The following FCHO1 variants were observed in gnomAD, a reference collection of about 807,000 sequenced individuals.
The protein encoded by FCHO1 is F-BAR domain only protein 1.
FCHO1 carries 45 observed loss-of-function variants against 114.4 expected under a neutral mutation model. The observed-to-expected ratio is 0.39, with a 90% CI of 0.31 to 0.50. The LOEUF (loss-of-function observed/expected upper bound fraction) is 0.50, where lower values mean the gene tolerates loss of function less well. Among genes scored for constraint, FCHO1 ranks in the 20% least tolerant of loss-of-function variants. FCHO1 has a pLI of 0.77. For missense variants in FCHO1, 1,042 were observed against 1,209.6 expected, an observed-to-expected ratio of 0.86 and a Z score of 2.06; for synonymous variants, 480 against 488.9, an observed-to-expected ratio of 0.98 and a Z score of 0.24.
intron 8 of FCHO1, 61 bp from the exon 9 acceptor site, chr19:17,770,731 G>A (rs2091258524): frequency 2.5e-6 from 4 of 1,596,620 alleles, no homozygotes; most frequent in South Asian, 2.2e-5. Flanking sequence ...AGGTGATGGG[G>A]CCTGGGGGAG....
At position 17,778,768 on chromosome 19, in the gene FCHO1, G is replaced by T. The variant is rs1444045438; in HGVS notation, c.1511G>T (p.Ser504Ile). Residue 504 changes from serine to isoleucine, a missense_variant, in exon 20 of 29, where the codon AGC becomes ATC. Coordinates refer to ENST00000596536, the MANE Select transcript of FCHO1 (RefSeq NM_015122.3). ...CCAGGCACCCCGCAGAGCCCGCCCA[G>T]CTGTAGGGCGCCACCCCCAGAGGCC... Reference protein sequence around the residue: ...PRPGTPQSPPSCRAPPPEARG... With the variant: ...PRPGTPQSPPICRAPPPEARG... 6.5e-7 allele frequency: 1 copy of T among 1,538,686 alleles called. No homozygotes were observed. Among genetic ancestry groups the T allele is most frequent in the Non-Finnish European group, 8.7e-7 (1 of 1,147,682 alleles).
At chr19:17,750,826 TC>T (rs201109939), upstream of FCHO1, among the ~76,000 whole-genome samples, 286 of 147,628 alleles carry the variant, frequency 1.9e-3, 12 homozygotes, top group African/African-American at 6.0e-3. Context: ...CCCTTTCTTT[TC>T]TTTTTTTTTT....
intron 4 of FCHO1, among the ~76,000 whole-genome samples, chr19:17,762,444 C>T (rs1336139963): frequency 6.6e-6 from 1 of 151,968 alleles, no homozygotes; most frequent in Non-Finnish European, 1.5e-5. Context: ...GAGACAGAAA[C>T]GGCAGAGAGA....
intron 20 of FCHO1, among the ~76,000 whole-genome samples, chr19:17,779,159 T>G (rs2093044484): frequency 6.6e-6 from 1 of 152,108 alleles, no homozygotes; most frequent in South Asian, 2.1e-4. Flanking sequence ...AAAGGCGTGC[T>G]GGGCAGAGGG....
intron 20 of FCHO1, among the ~76,000 whole-genome samples, chr19:17,779,285 G>A (rs1331049378): frequency 6.6e-6 from 1 of 152,104 alleles, no homozygotes; most frequent in East Asian, 1.9e-4. Flanking sequence ...AGAAGGCAGG[G>A]ACCAGGAAGG....
intron 6 of FCHO1, among the ~76,000 whole-genome samples, chr19:17,764,773 G>T (rs1353295225): frequency 6.6e-6 from 1 of 152,066 alleles, no homozygotes; most frequent in African/African-American, 2.4e-5. Flanking sequence ...GGTGAAAAGT[G>T]CTGGGAAGGG....
Position 17,781,314 on chromosome 19 carries a change from TG to T in FCHO1, c.1712del (p.Cys571SerfsTer14). 1 of 1,614,024 alleles carries T rather than the reference TG, an allele frequency of 6.2e-7. No homozygotes were observed. The highest frequency in any genetic ancestry group is 8.5e-7 in the Non-Finnish European group (1 of 1,179,942). ...PRRLRSRKVS[C>X]PLTRSNGDLS... is the part of the protein sequence containing the mutation. The stretch of plus-strand genomic sequence containing the variant: ...GAGACTTCGCTCTAGGAAGGTGTCC[TG>T]CCCTCTCACACGTAGCAATGGGGAC... On this transcript the variant is annotated frameshift_variant, in exon 21 of 29. Transcript: ENST00000596536. LOFTEE classifies it high-confidence loss of function.
chr19:17,756,687 G>A (rs1305274280), intron 4 of FCHO1, among the ~76,000 whole-genome samples: 5 of 152,192 alleles, frequency 3.3e-5, no homozygotes, highest in Non-Finnish European at 5.9e-5. Context: ...CCCAGACTCA[G>A]GGAGGCCTCC....
At chr19:17,782,039 G>A (rs2093472246) in intron 23 of FCHO1, among the ~76,000 whole-genome samples, 1 of 139,846 alleles carries the variant, frequency 7.2e-6, no homozygotes, top group Non-Finnish European at 1.5e-5. Flanking sequence ...CGCTCTTGCT[G>A]CCCAGGCTGG....
Position 17,786,569 on chromosome 19 carries a change from G to C in FCHO1, c.2427-5G>C. ...AAGCCCTGATTAAGATTCTTTCTCT[G>C]CCAGGAACCTGGAGGAGAAGCGGCT... On this transcript the variant is annotated splice_region_variant and splice_polypyrimidine_tract_variant and intron_variant, in intron 26 of 28. Coordinates refer to ENST00000596536, the MANE Select transcript of FCHO1 (RefSeq NM_015122.3). 1 of 1,482,204 alleles carries C rather than the reference G, an allele frequency of 6.7e-7. No individual in the cohort carries two copies. Among genetic ancestry groups the C allele is most frequent in the Non-Finnish European group, 9.1e-7 (1 of 1,097,650 alleles). The allele number at this position is 1,482,204 out of a possible 1,614,324, so 91.8% of individuals were successfully genotyped here. A position where few individuals can be genotyped will look rare whatever the true frequency, so the allele number is the denominator to read the frequency against.
rs1296883983 is a variant in FCHO1 at position 17,762,747 on chromosome 19, T to A, written c.28-15T>A. The A allele has an allele frequency of 1.9e-6, 3 of 1,589,404 alleles. No individual in the cohort carries two copies. Among genetic ancestry groups the A allele is most frequent in the Non-Finnish European group, 2.6e-6 (3 of 1,157,372 alleles). ...CTCTCCATCCTTTCTCAATCTCTATTCCCATCCCCTGCAGGGCGAGAAAAA... is the reference window on the plus strand; with the variant it reads ...CTCTCCATCCTTTCTCAATCTCTATACCCATCCCCTGCAGGGCGAGAAAAA... On this transcript the variant is annotated splice_polypyrimidine_tract_variant and intron_variant, in intron 4 of 28. Transcript: ENST00000596536.
In FCHO1 at chr19:17,773,905, T is replaced by TC. The variant is rs1568351431; in HGVS notation, c.791-334_791-333insC. Among the ~76,000 whole-genome samples the TC allele has an allele frequency of 1.9e-4, 5 of 26,528 alleles. No homozygotes were observed. The East Asian group carries it at 0.016, about 84-fold the overall frequency. The allele number at this position is 26,528 out of a possible 152,430, so 17.4% of individuals were successfully genotyped here. On this transcript the variant is annotated intron_variant, in intron 11 of 28. Transcript: ENST00000596536. The stretch of plus-strand genomic sequence containing the variant: ...AGTTTCTTTCTCTCTCTCTCTCTCT[T>TC]TTTTTTTTTTTTTTAATTTTTTTGA...
intron 4 of FCHO1, among the ~76,000 whole-genome samples, chr19:17,761,749 C>G (rs1205369127): frequency 2.6e-5 from 4 of 151,718 alleles, no homozygotes; most frequent in African/African-American, 9.7e-5. Flanking sequence ...CAACCTCTGC[C>G]TCCCACGTTC....
At chr19:17,751,055 T>G (rs2081835511), upstream of FCHO1, among the ~76,000 whole-genome samples, 1 of 152,098 alleles carries the variant, frequency 6.6e-6, no homozygotes, top group Admixed American at 6.6e-5. The surrounding 1 kb of genome is among the most constrained non-coding windows in gnomAD (Gnocchi z 4.4). Flanking sequence ...TTGGCCAGGA[T>G]AGTGTCAACC....
intron 6 of FCHO1, chr19:17,766,439 C>G (rs2089202915): frequency 4.2e-6 from 2 of 474,590 alleles, no homozygotes; most frequent in Admixed American, 7.1e-5. Context: ...AATTCCAGCT[C>G]TAATGTTGAT....
intron 20 of FCHO1, among the ~76,000 whole-genome samples, chr19:17,780,632 C>A (rs1033648279): frequency 1.3e-5 from 2 of 152,006 alleles, no homozygotes; most frequent in Non-Finnish European, 2.9e-5. Flanking sequence ...GGGCAGCCCC[C>A]GCCCCCGAGA....
intron 26 of FCHO1, 89 bp downstream of exon 26, chr19:17,785,013 C>T (rs924562288): frequency 2.4e-5 from 33 of 1,349,626 alleles, no homozygotes; most frequent in Middle Eastern, 2.5e-4. Flanking sequence ...AAGGGTGCAC[C>T]CTCGGCCTGA....
At chr19:17,788,179 T>A (rs1236422419) in intron 28 of FCHO1, 105 bp from the exon 29 acceptor site, 1 of 840,434 alleles carries the variant, frequency 1.2e-6, no homozygotes, top group African/African-American at 1.7e-5. Flanking sequence ...TACAGGGGTG[T>A]TTTGAAGAGG....
In FCHO1 at chr19:17,754,341, GGACAGTGACTCA is replaced by G. The variant is rs1285657441; in HGVS notation, c.-153_-142del. 1 of 152,566 alleles carries G rather than the reference GGACAGTGACTCA, an allele frequency of 6.6e-6. No homozygotes were observed. The highest frequency in any genetic ancestry group is 6.5e-5 in the Admixed American group (1 of 15,296). The allele number at this position is 152,566 out of a possible 1,614,324, so 9.5% of individuals were successfully genotyped here. A position where few individuals can be genotyped will look rare whatever the true frequency, so the allele number is the denominator to read the frequency against. ...GATGGGGAAACTGAGGCACGGAGCT[GGACAGTGACTCA>G]GACACCAGGTGAACACTGGCTTTTG... On this transcript the variant is annotated 5_prime_UTR_variant, in exon 2 of 29. The change abolishes the stop of an existing upstream ORF in the 5' untranslated region. Transcript: ENST00000596536.
Sources: gnomAD v4.1 joint callset for allele counts (sites outside exome capture counted in the v4.1 genomes callset) on GRCh38, gnomAD v4.1.1 for gene constraint, Gnocchi (gnomAD v3.1) non-coding constraint, MANE v1.5 for transcripts, NCBI Gene and HGNC (gene_info 2026-07-23, HGNC 2026-07-21) for gene names.